Variants in MTUS2 observed in about 807,000 individuals in gnomAD.
The protein encoded by MTUS2 is microtubule associated scaffold protein 2.
In MTUS2, 40 loss-of-function variants were observed where a neutral mutation model predicts 114.1. The ratio of observed to expected loss-of-function variants is 0.35; its 90% CI spans 0.27 to 0.46. The LOEUF is 0.46. Ranked by LOEUF, MTUS2 falls within the 20% of genes least tolerant of loss-of-function variation. The pLI is 1.00. For synonymous variants in MTUS2, 688 were observed against 672.0 expected, an observed-to-expected ratio of 1.02 and a Z score of -0.37; for missense variants, 1,679 against 1,705.4, an observed-to-expected ratio of 0.98 and a Z score of 0.27.
chr13:29,281,317 G>C (rs1367750121), intron 5 of MTUS2, among the ~76,000 whole-genome samples: 1 of 151,822 alleles, frequency 6.6e-6, no homozygotes, highest in African/African-American at 2.4e-5. Context: ...AAAATAAAAG[G>C]CTCTTCATTC....
At chr13:29,240,931 A>G (rs1001023126) in intron 5 of MTUS2, among the ~76,000 whole-genome samples, 1 of 152,176 alleles carries the variant, frequency 6.6e-6, no homozygotes, top group African/African-American at 2.4e-5. Flanking sequence ...AAAAAAGAAA[A>G]ATTATATTTC....
At chr13:28,943,419 A>C (rs764319421) in intron 2 of MTUS2, among the ~76,000 whole-genome samples, 1 of 152,230 alleles carries the variant, frequency 6.6e-6, no homozygotes, top group Non-Finnish European at 1.5e-5. Flanking sequence ...GATGGTAATT[A>C]AATGAAAATT....
intron 8 of MTUS2, among the ~76,000 whole-genome samples, chr13:29,370,134 G>A (rs1347198040): frequency 6.6e-6 from 1 of 152,154 alleles, no homozygotes; most frequent in Non-Finnish European, 1.5e-5. Context: ...TGGATCGCTT[G>A]AGCCCAGGAG....
intron 5 of MTUS2, among the ~76,000 whole-genome samples, chr13:29,181,856 A>G (rs1422988667): frequency 1.3e-5 from 2 of 151,060 alleles, no homozygotes; most frequent in African/African-American, 2.4e-5. Flanking sequence ...TTTTTGATAA[A>G]CATTTTTTTC....
intron 11 of MTUS2, 34 bp from the exon 12 acceptor site, chr13:29,492,612 A>G (rs370689484): frequency 2.2e-5 from 34 of 1,569,204 alleles, no homozygotes; most frequent in Non-Finnish European, 2.8e-5. Flanking sequence ...TTCAAAAGAA[A>G]GACCAACTTG....
chr13:28,885,228 GT>G (rs1300529786), intron 2 of MTUS2, among the ~76,000 whole-genome samples: 1 of 152,146 alleles, frequency 6.6e-6, no homozygotes, highest in African/African-American at 2.4e-5. Flanking sequence ...TAGTGAGAAA[GT>G]TTGGCGAGAA....
At chr13:29,128,239 C>T (rs1263304128) in intron 5 of MTUS2, among the ~76,000 whole-genome samples, 1 of 152,198 alleles carries the variant, frequency 6.6e-6, no homozygotes, top group African/African-American at 2.4e-5. Flanking sequence ...AGGCCTTTCT[C>T]AGGCCGTGAA....
chr13:29,441,271 G>T (rs1262950873), intron 9 of MTUS2, among the ~76,000 whole-genome samples: 1 of 152,146 alleles, frequency 6.6e-6, no homozygotes, highest in Non-Finnish European at 1.5e-5. Flanking sequence ...AAGGCAGGGT[G>T]TGAGGAACCC....
chr13:29,354,904 G>A (rs1039908746), intron 7 of MTUS2, among the ~76,000 whole-genome samples: 1 of 152,202 alleles, frequency 6.6e-6, no homozygotes, highest in Non-Finnish European at 1.5e-5. Context: ...AGAGTGTCCT[G>A]CTGTCTGTCA....
intron 5 of MTUS2, among the ~76,000 whole-genome samples, chr13:29,218,420 G>A (rs1367696363): frequency 3.9e-5 from 6 of 152,154 alleles, no homozygotes; most frequent in Non-Finnish European, 8.8e-5. Context: ...CTTTCAAACT[G>A]CTGTTAATTT....
chr13:29,343,290 T>C (rs573330672), intron 7 of MTUS2, among the ~76,000 whole-genome samples: 116 of 152,214 alleles, frequency 7.6e-4, no homozygotes, highest in African/African-American at 2.7e-3. Flanking sequence ...GGTCCTAGAC[T>C]TTTTCTTGTT....
At chr13:29,492,405 A>G (rs1034416711) in intron 11 of MTUS2, among the ~76,000 whole-genome samples, 4 of 151,662 alleles carry the variant, frequency 2.6e-5, no homozygotes, top group African/African-American at 9.7e-5. Context: ...TATGCGTTCT[A>G]TCTGCCCCCA....
chr13:28,961,003 T>A lies in MTUS2; in HGVS notation c.-242-63454T>A, dbSNP rs151263824. Among the ~76,000 whole-genome samples the A allele has an allele frequency of 4.8e-3, 732 of 152,062 alleles. 3 individuals carry two copies. Among genetic ancestry groups the A allele is most frequent in the African/African-American group, 0.017 (686 of 41,478 alleles). On this transcript the variant is annotated intron_variant, in intron 2 of 15. Coordinates refer to ENST00000612955, the MANE Select transcript of MTUS2 (RefSeq NM_001033602.4). ...CTGAAAAATATAATAAATAACTCAA[T>A]GGATGGGCTCAACAGAGGAATGGAG... is the stretch of plus-strand genomic sequence containing the variant.
In MTUS2 at chr13:28,980,506, G is replaced by A. The variant is rs112186395; in HGVS notation, c.-242-43951G>A. 6.6e-3 allele frequency among the ~76,000 whole-genome samples: 1,000 copies of A among 152,248 alleles called. 6 individuals carry two copies. The highest frequency in any genetic ancestry group is 0.023 in the African/African-American group (949 of 41,548). ...ACTCCCCTTTTTACATAAAAATAGC[G>A]TAGTATATATGTTGTCCTTTGTTTT... On this transcript the variant is annotated intron_variant, in intron 2 of 15. Coordinates refer to ENST00000612955, the MANE Select transcript of MTUS2 (RefSeq NM_001033602.4).
At chr13:29,037,035 A>C (rs1887111050) in intron 4 of MTUS2, among the ~76,000 whole-genome samples, 1 of 152,084 alleles carries the variant, frequency 6.6e-6, no homozygotes, top group Non-Finnish European at 1.5e-5. Flanking sequence ...GTTATGTGTG[A>C]ATTTGATCCT....
At position 29,188,676 on chromosome 13, in the gene MTUS2, G is replaced by A. The variant is rs541100208; in HGVS notation, c.2644+87706G>A. On this transcript the variant is annotated intron_variant, in intron 5 of 15. Coordinates refer to ENST00000612955, the MANE Select transcript of MTUS2 (RefSeq NM_001033602.4). ...AGGGATCTCTGACCAGAGACTCCCT[G>A]CTCTGCTGGTGAGTAACACTGACAT... Among the ~76,000 whole-genome samples, 32 of 152,274 alleles carry A rather than the reference G, an allele frequency of 2.1e-4. No individual in the cohort carries two copies. In the South Asian group the frequency reaches 6.7e-3, roughly 32 times the overall value.
intron 5 of MTUS2, among the ~76,000 whole-genome samples, chr13:29,226,292 G>C (rs1393161646): frequency 6.6e-6 from 1 of 152,190 alleles, no homozygotes; most frequent in Non-Finnish European, 1.5e-5. Flanking sequence ...AATAATATTT[G>C]ACATGTACAG....
At chr13:28,924,037 C>T (rs897257712) in intron 2 of MTUS2, among the ~76,000 whole-genome samples, 1 of 152,094 alleles carries the variant, frequency 6.6e-6, no homozygotes, top group Non-Finnish European at 1.5e-5. Flanking sequence ...CCCATCAGTC[C>T]CAGTGTGGCT....
intron 3 of MTUS2, among the ~76,000 whole-genome samples, chr13:29,030,062 A>G (rs1187427006): frequency 6.6e-6 from 1 of 152,116 alleles, no homozygotes; most frequent in Non-Finnish European, 1.5e-5. Flanking sequence ...CCCAAACCCC[A>G]CATTGTCTGT....
Sources: gnomAD v4.1 joint callset for allele counts (sites outside exome capture counted in the v4.1 genomes callset) on GRCh38, gnomAD v4.1.1 for gene constraint, MANE v1.5 for transcripts, NCBI Gene and HGNC (gene_info 2026-07-23, HGNC 2026-07-21) for gene names.